MED15: variants seen among roughly 807,000 people sequenced by gnomAD.
MED15 encodes the protein mediator complex subunit 15.
In MED15, 41 loss-of-function variants were observed where a neutral mutation model predicts 118.7. The ratio of observed to expected loss-of-function variants is 0.35; its 90% CI spans 0.27 to 0.45. The LOEUF is 0.45. Ranked by LOEUF, MED15 falls within the 20% of genes least tolerant of loss-of-function variation. The pLI is 1.00. For missense variants in MED15, 740 were observed against 1,025.5 expected, an observed-to-expected ratio of 0.72 and a Z score of 3.80; for synonymous variants, 436 against 413.9, an observed-to-expected ratio of 1.05 and a Z score of -0.65.
intron 4 of MED15, among the ~76,000 whole-genome samples, chr22:20,553,723 A>G (rs1373347096): frequency 6.6e-6 from 1 of 152,000 alleles, no homozygotes; most frequent in African/African-American, 2.4e-5. Flanking sequence ...AAATACAAAA[A>G]TAGCCGGGTG....
intron 6 of MED15, among the ~76,000 whole-genome samples, chr22:20,565,295 A>G (rs1160842898): frequency 6.6e-6 from 1 of 152,160 alleles, no homozygotes; most frequent in African/African-American, 2.4e-5. Context: ...GAGTGAGCTG[A>G]AGCAAGAAGT....
intron 2 of MED15, among the ~76,000 whole-genome samples, chr22:20,541,796 T>C (rs1216008763): frequency 6.6e-6 from 1 of 152,128 alleles, no homozygotes; most frequent in Non-Finnish European, 1.5e-5. Flanking sequence ...ACTACAGGCA[T>C]GTGCCACCAT....
intron 8 of MED15, chr22:20,573,604 A>G (rs1390830974): frequency 6.6e-6 from 1 of 152,274 alleles, no homozygotes; most frequent in African/African-American, 2.4e-5. Context: ...CATCTGATCC[A>G]GTAAACATAA....
Position 20,568,565 on chromosome 22 carries a change from G to A in MED15, c.1086G>A (p.Gln362=). The change falls in exon 8 of 18, where the codon CAG becomes CAA. Residue 362 remains glutamine, a synonymous_variant. Coordinates refer to ENST00000263205, the MANE Select transcript of MED15 (RefSeq NM_001003891.3). ...MVVQQPPVQP[Q]VQQQQTAVQT... is the part of the protein sequence containing the mutation. The stretch of plus-strand genomic sequence containing the variant: ...TGCAGCAGCCCCCAGTGCAGCCCCA[G>A]GTGCAGCAGCAGCAGACAGCAGTAC... The A allele has an allele frequency of 6.2e-7, 1 of 1,613,906 alleles. No homozygotes were observed.
At chr22:20,516,262 G>A (rs1052491559) in intron 1 of MED15, among the ~76,000 whole-genome samples, 8 of 151,602 alleles carry the variant, frequency 5.3e-5, no homozygotes, top group South Asian at 2.1e-4. Flanking sequence ...GCAGTGAGCC[G>A]AGATCACGCC....
At chr22:20,519,670 G>T (rs1380648471) in intron 1 of MED15, among the ~76,000 whole-genome samples, 1 of 152,120 alleles carries the variant, frequency 6.6e-6, no homozygotes, top group Non-Finnish European at 1.5e-5. Flanking sequence ...GGCCAAGCTG[G>T]TCTCAAACTT....
At chr22:20,535,721 A>G (rs4312590) in intron 1 of MED15, among the ~76,000 whole-genome samples, 5,386 of 150,586 alleles carry the variant, frequency 0.036, 538 homozygotes, top group Admixed American at 0.23. Flanking sequence ...CACCATGCCC[A>G]GCTAATTTTT....
At chr22:20,585,077 G>A (rs748109279) in intron 15 of MED15, 24 bp from the exon 16 acceptor site, 1 of 1,613,470 alleles carries the variant, frequency 6.2e-7, no homozygotes, top group Admixed American at 1.7e-5. Flanking sequence ...TGTGCCAGGT[G>A]TGGTCACCAT....
At chr22:20,583,471 G>A (rs964001814) in intron 13 of MED15, 78 bp downstream of exon 13, 44 of 1,560,126 alleles carry the variant, frequency 2.8e-5, no homozygotes, top group South Asian at 1.8e-4. Flanking sequence ...TGGTGATGAT[G>A]TGGGTTTAAC....
At chr22:20,551,097 C>T (rs1055677502) in intron 2 of MED15, 9 of 535,736 alleles carry the variant, frequency 1.7e-5, no homozygotes, top group South Asian at 9.2e-5. Context: ...GCCAGCGCCT[C>T]ATCACCCCCA....
intron 2 of MED15, among the ~76,000 whole-genome samples, chr22:20,539,109 G>GT (rs961794571): frequency 1.3e-4 from 19 of 151,680 alleles, no homozygotes; most frequent in African/African-American, 4.4e-4. Flanking sequence ...TTCCTCTTTT[G>GT]TTTTTTTTAG....
At chr22:20,532,972 GTTTCC>G (rs550609451) in intron 1 of MED15, among the ~76,000 whole-genome samples, 138 of 152,296 alleles carry the variant, frequency 9.1e-4, no homozygotes, top group African/African-American at 3.0e-3. Context: ...TTGTGTGATA[GTTTCC>G]TTTCATTTCG....
chr22:20,535,766 A>G (rs375478750), intron 1 of MED15, among the ~76,000 whole-genome samples: 11 of 151,492 alleles, frequency 7.3e-5, no homozygotes, highest in East Asian at 2.0e-4. Context: ...TCACTGTGTT[A>G]GCCAGGATGG....
intron 6 of MED15, among the ~76,000 whole-genome samples, chr22:20,565,882 A>G (rs1392820783): frequency 6.6e-6 from 1 of 151,050 alleles, no homozygotes; most frequent in Non-Finnish European, 1.5e-5. Flanking sequence ...TCCTAGTGGA[A>G]TGGTAGACCA....
chr22:20,568,488 G>C, intron 7 of MED15, 33 bp from the exon 8 acceptor site: 1 of 1,608,142 alleles, frequency 6.2e-7, no homozygotes, highest in Non-Finnish European at 8.5e-7. Context: ...GACCCAGGTG[G>C]TTCCAAATCA....
chr22:20,541,777 G>A (rs2055324986), intron 2 of MED15, among the ~76,000 whole-genome samples: 1 of 152,080 alleles, frequency 6.6e-6, no homozygotes, highest in African/African-American at 2.4e-5. Context: ...AGCCTCCCAA[G>A]TAGCTGGGAC....
chr22:20,553,635 G>C (rs148237544), intron 4 of MED15, among the ~76,000 whole-genome samples: 1 of 152,208 alleles, frequency 6.6e-6, no homozygotes, highest in Admixed American at 6.5e-5. Context: ...CACTGTGGGA[G>C]GCTGAGGCAG....
chr22:20,537,361 T>C (rs1057317966), intron 2 of MED15, 157 bp downstream of exon 2: 1 of 591,922 alleles, frequency 1.7e-6, no homozygotes, highest in African/African-American at 1.9e-5. Flanking sequence ...TGCAGCAGTC[T>C]GGGTCCTCCT....
chr22:20,537,825 G>A (rs537715661), intron 2 of MED15, among the ~76,000 whole-genome samples: 1 of 152,312 alleles, frequency 6.6e-6, no homozygotes, highest in East Asian at 1.9e-4. Flanking sequence ...TCACTTGTGT[G>A]CACGTGTGTG....
Sources: allele counts gnomAD v4.1 joint callset (sites outside exome capture counted in the v4.1 genomes callset), GRCh38; gene constraint gnomAD v4.1.1; transcripts MANE v1.5; gene names NCBI Gene and HGNC (gene_info 2026-07-23, HGNC 2026-07-21).